CD58: variants seen among roughly 807,000 people sequenced by gnomAD.
CD58 encodes the protein CD58 molecule, also known as lymphocyte function-associated antigen 3.
In CD58, 14 loss-of-function variants were observed where a neutral mutation model predicts 27.6. That is an observed-to-expected ratio of 0.51 (90% CI 0.34 to 0.79). CD58 has a LOEUF of 0.79. CD58 is among the 30% of genes least tolerant of loss of function. CD58 has a pLI of 0.02. For missense variants in CD58, 268 were observed against 301.7 expected, an observed-to-expected ratio of 0.89 and a Z score of 0.83; for synonymous variants, 117 against 103.8, an observed-to-expected ratio of 1.13 and a Z score of -0.77.
At position 116,541,786 on chromosome 1, in the gene CD58, TAG is replaced by T. The variant is rs1197815837; in HGVS notation, c.364+2523_364+2524del. On this transcript the variant is annotated intron_variant, in intron 2 of 5. Coordinates refer to ENST00000369489, the MANE Select transcript of CD58 (RefSeq NM_001779.3). This position sits in a 1 kb window ranked among gnomAD's most constrained non-coding sequence, Gnocchi z 5.3. ...AGGAGCTCGGCGGGGTACTCTGGGC[TAG>T]AGCTCTAGATCTGTACATTATTAGC... 6.6e-6 allele frequency among the ~76,000 whole-genome samples: 1 copy of T among 152,204 alleles called. No homozygotes were observed. Among genetic ancestry groups the T allele is most frequent in the Non-Finnish European group, 1.5e-5 (1 of 68,034 alleles).
rs1426110857 is a variant in CD58, at chr1:116,552,138, C to G, written c.71-7534G>C. Among the ~76,000 whole-genome samples the G allele has an allele frequency of 6.6e-6, 1 of 152,166 alleles. No individual in the cohort carries two copies. The highest frequency in any genetic ancestry group is 1.9e-4 in the East Asian group (1 of 5,206). On this transcript the variant is annotated intron_variant, in intron 1 of 5. Transcript: ENST00000369489. This position sits in a 1 kb window ranked among gnomAD's most constrained non-coding sequence, Gnocchi z 4.5. Reference sequence around the variant, plus strand: ...AGTGCAACTCTTCTTTTCACTTGAGCACTTAGAAGCCATTGCAGGGTTATT... The same window carrying G: ...AGTGCAACTCTTCTTTTCACTTGAGGACTTAGAAGCCATTGCAGGGTTATT...
chr1:116,526,693 C>A (rs966359928), intron 3 of CD58, among the ~76,000 whole-genome samples: 5 of 152,134 alleles, frequency 3.3e-5, no homozygotes, highest in African/African-American at 1.2e-4. Context: ...CCCATTTAAC[C>A]TTAAAATCAG....
At chr1:116,564,837 C>T (rs143850430) in intron 1 of CD58, among the ~76,000 whole-genome samples, 123 of 152,258 alleles carry the variant, frequency 8.1e-4, no homozygotes, top group Non-Finnish European at 7.4e-4. Context: ...AGGATGGTCT[C>T]GAACTCCTGG....
Position 116,541,277 on chromosome 1 carries a change from C to T in CD58, c.364+3034G>A, listed in dbSNP as rs981996611. ...TGGCCCTATCTATAAATTATCAGAT[C>T]CCCAATGTCCATGTTTCAAAGATTC... On this transcript the variant is annotated intron_variant, in intron 2 of 5. Coordinates refer to ENST00000369489, the MANE Select transcript of CD58 (RefSeq NM_001779.3). This position sits in a 1 kb window ranked among gnomAD's most constrained non-coding sequence, Gnocchi z 5.3. Among the ~76,000 whole-genome samples the T allele has an allele frequency of 3.0e-4, 45 of 152,184 alleles. No homozygotes were observed. The highest frequency in any genetic ancestry group is 1.8e-3 in the Admixed American group (28 of 15,282).
intron 1 of CD58, among the ~76,000 whole-genome samples, chr1:116,562,388 G>A (rs1385817670): frequency 6.6e-6 from 1 of 151,946 alleles, no homozygotes; most frequent in African/African-American, 2.4e-5. Flanking sequence ...GTGTCATCAT[G>A]GCTCACTGCA....
intron 2 of CD58, among the ~76,000 whole-genome samples, chr1:116,542,433 G>C (rs185227208): frequency 6.6e-6 from 1 of 152,308 alleles, no homozygotes; most frequent in East Asian, 1.9e-4. Flanking sequence ...TTAACAAGGA[G>C]GTCTAGAGGA....
chr1:116,530,535 A>G (rs1177660264), intron 3 of CD58, among the ~76,000 whole-genome samples: 2 of 152,152 alleles, frequency 1.3e-5, no homozygotes, highest in Non-Finnish European at 2.9e-5. Flanking sequence ...AAGGTAAGTA[A>G]CAACTGTCTG....
In CD58 at chr1:116,517,728, T is replaced by A. The variant is rs559585632; in HGVS notation, c.743+1503A>T. Among the ~76,000 whole-genome samples, 1 of 152,298 alleles carries A rather than the reference T, an allele frequency of 6.6e-6. No individual in the cohort carries two copies. Among genetic ancestry groups the A allele is most frequent in the South Asian group, 2.1e-4 (1 of 4,828 alleles). Reference sequence around the variant, plus strand: ...AGGGCATCTAGCTTTTCTTTCTTAGTGACCTCAGGTGCTCACGGCATCAAT... The same window carrying A: ...AGGGCATCTAGCTTTTCTTTCTTAGAGACCTCAGGTGCTCACGGCATCAAT... On this transcript the variant is annotated intron_variant, in intron 5 of 5. Transcript: ENST00000369489. The surrounding 1 kb of genome is among the most constrained non-coding windows in gnomAD (Gnocchi z 6.5).
chr1:116,559,185 T>A lies in CD58; in HGVS notation c.70+11718A>T, dbSNP rs573420232. Among the ~76,000 whole-genome samples the A allele has an allele frequency of 1.1e-4, 17 of 152,030 alleles. No homozygotes were observed. Among genetic ancestry groups the A allele is most frequent in the Non-Finnish European group, 2.1e-4 (14 of 67,966 alleles). ...GTCATAAGTTGGCATCTGAGCAGAG[T>A]CCAGAAAAGCAGGGGAGCGAGCCTA... On this transcript the variant is annotated intron_variant, in intron 1 of 5. Transcript: ENST00000369489. The surrounding 1 kb of genome is among the most constrained non-coding windows in gnomAD (Gnocchi z 4.4).
chr1:116,546,228 TTGAC>T lies in CD58; in HGVS notation c.71-1628_71-1625del, dbSNP rs1234614134. 1.3e-5 allele frequency among the ~76,000 whole-genome samples: 2 copies of T among 152,150 alleles called. No homozygotes were observed. The highest frequency in any genetic ancestry group is 4.8e-5 in the African/African-American group (2 of 41,420). ...GTTAACATTAAAGAGCAATTAAAATTTGACTGAAGTTTTTGCCTAGTAGCAATTA... is the reference window on the plus strand; with the variant it reads ...GTTAACATTAAAGAGCAATTAAAATTTGAAGTTTTTGCCTAGTAGCAATTA... On this transcript the variant is annotated intron_variant, in intron 1 of 5. Transcript: ENST00000369489. This position sits in a 1 kb window ranked among gnomAD's most constrained non-coding sequence, Gnocchi z 4.1.
chr1:116,549,927 A>G (rs1658334528), intron 1 of CD58, among the ~76,000 whole-genome samples: 1 of 152,234 alleles, frequency 6.6e-6, no homozygotes, highest in South Asian at 2.1e-4. Context: ...CCCAGGGCAT[A>G]TAAATGTTAT....
chr1:116,534,187 T>C lies in CD58; in HGVS notation c.628+1778A>G. ...GTCCTCGGGGAGCACACGCCGCCCA[T>C]CTGGCTCGCACCGCACAGCTCCCAA... On this transcript the variant is annotated intron_variant, in intron 3 of 5. Transcript: ENST00000369489. The surrounding 1 kb of genome is among the most constrained non-coding windows in gnomAD (Gnocchi z 5.3). 1.7e-6 allele frequency: 1 copy of C among 602,782 alleles called. No homozygotes were observed. Among genetic ancestry groups the C allele is most frequent in the Non-Finnish European group, 3.0e-6 (1 of 330,392 alleles). The allele number at this position is 602,782 out of a possible 1,614,324, so 37.3% of individuals were successfully genotyped here.
At position 116,541,345 on chromosome 1, in the gene CD58, T is replaced by A. The variant is rs1445848345; in HGVS notation, c.364+2966A>T. Among the ~76,000 whole-genome samples, 1 of 152,200 alleles carries A rather than the reference T, an allele frequency of 6.6e-6. No homozygotes were observed. The highest frequency in any genetic ancestry group is 1.5e-5 in the Non-Finnish European group (1 of 68,018). ...CTTCTAAGAGGATACTTTGACATCTTAGCAAGCTGTATTTGTCTAAATAGA... is the reference window on the plus strand; with the variant it reads ...CTTCTAAGAGGATACTTTGACATCTAAGCAAGCTGTATTTGTCTAAATAGA... On this transcript the variant is annotated intron_variant, in intron 2 of 5. Transcript: ENST00000369489. This position sits in a 1 kb window ranked among gnomAD's most constrained non-coding sequence, Gnocchi z 5.3.
intron 1 of CD58, among the ~76,000 whole-genome samples, chr1:116,564,857 A>G (rs1237435792): frequency 6.6e-6 from 1 of 152,110 alleles, no homozygotes; most frequent in African/African-American, 2.4e-5. Context: ...GGCTCAAAAG[A>G]TCTGCCCACC....
intron 2 of CD58, among the ~76,000 whole-genome samples, chr1:116,537,668 T>C (rs902627451): frequency 3.9e-5 from 6 of 152,350 alleles, no homozygotes; most frequent in South Asian, 2.1e-4. Flanking sequence ...ACATGTCACA[T>C]TCTGCCATTG....
At position 116,517,745 on chromosome 1, in the gene CD58, G is replaced by C. The variant is rs185533315; in HGVS notation, c.743+1486C>G. The stretch of plus-strand genomic sequence containing the variant: ...TTTCTTAGTGACCTCAGGTGCTCAC[G>C]GCATCAATTACTGTCCAGATGAAGA... On this transcript the variant is annotated intron_variant, in intron 5 of 5. Transcript: ENST00000369489. The surrounding 1 kb of genome is among the most constrained non-coding windows in gnomAD (Gnocchi z 6.5). 2.6e-3 allele frequency among the ~76,000 whole-genome samples: 398 copies of C among 152,160 alleles called. 2 individuals are homozygous for C. Among genetic ancestry groups the C allele is most frequent in the Admixed American group, 4.7e-3 (72 of 15,282 alleles).
At position 116,515,576 on chromosome 1, in the gene CD58, C is replaced by T. The variant is rs1426728997; in HGVS notation, c.744-754G>A. Among the ~76,000 whole-genome samples, 2 of 152,158 alleles carry T rather than the reference C, an allele frequency of 1.3e-5. No individual in the cohort carries two copies. The highest frequency in any genetic ancestry group is 2.4e-5 in the African/African-American group (1 of 41,426). ...GGGAAATGTTTGTAAACCAGGTTGGCAGGCACAGGATTCTTGTTGGGGCAG... is the reference window on the plus strand; with the variant it reads ...GGGAAATGTTTGTAAACCAGGTTGGTAGGCACAGGATTCTTGTTGGGGCAG... On this transcript the variant is annotated intron_variant, in intron 5 of 5. Transcript: ENST00000369489. The surrounding 1 kb of genome is among the most constrained non-coding windows in gnomAD (Gnocchi z 4.6).
chr1:116,534,847 T>A lies in CD58; in HGVS notation c.628+1118A>T, dbSNP rs984508778. On this transcript the variant is annotated intron_variant, in intron 3 of 5. Transcript: ENST00000369489. This position sits in a 1 kb window ranked among gnomAD's most constrained non-coding sequence, Gnocchi z 5.3. ...TAAAATCCAAGTTTCATATATTTCT[T>A]GTATTTGCTAATTTCCCTTATCTGT... Among the ~76,000 whole-genome samples the A allele has an allele frequency of 6.6e-6, 1 of 152,336 alleles. No homozygotes were observed. Among genetic ancestry groups the A allele is most frequent in the Middle Eastern group, 3.4e-3 (1 of 294 alleles).
intron 4 of CD58, among the ~76,000 whole-genome samples, chr1:116,520,126 T>C (rs1190981205): frequency 6.6e-6 from 1 of 152,206 alleles, no homozygotes; most frequent in African/African-American, 2.4e-5. Flanking sequence ...TGCTGAGTTT[T>C]TTTGTTTGTT....
Sources: allele counts gnomAD v4.1 joint callset (sites outside exome capture counted in the v4.1 genomes callset), GRCh38; gene constraint gnomAD v4.1.1; non-coding constraint Gnocchi (gnomAD v3.1); transcripts MANE v1.5; gene names NCBI Gene and HGNC (gene_info 2026-07-23, HGNC 2026-07-21).